TTC7B: variants seen among roughly 807,000 people sequenced by gnomAD.
The protein encoded by TTC7B is tetratricopeptide repeat protein 7B.
Under a neutral mutation model 106.8 loss-of-function variants are expected in TTC7B, and 28 were observed. The observed-to-expected ratio is 0.26, with a 90% CI of 0.19 to 0.36. The LOEUF (loss-of-function observed/expected upper bound fraction) is 0.36, where lower values mean the gene tolerates loss of function less well. Among genes scored for constraint, TTC7B ranks in the 10% least tolerant of loss-of-function variants. TTC7B has a pLI of 1.00. For synonymous variants in TTC7B, 405 were observed against 430.6 expected (o/e 0.94, Z 0.74); for missense variants, 862 against 1,076.4 (o/e 0.80, Z 2.79).
rs771560425 is a variant in TTC7B, at chr14:90,647,053, T to C, written c.1518-30A>G. ...AAAAGTATTTACGGCTATTAGTACA[T>C]GGGAGAGGAGGCCATTTTTACTTTC... On this transcript the variant is annotated intron_variant, in intron 13 of 19. Transcript: ENST00000328459. The C allele has an allele frequency of 4.4e-6, 7 of 1,608,408 alleles. No homozygotes were observed. In the South Asian group the frequency reaches 5.5e-5, roughly 13 times the overall value.
Position 90,578,048 on chromosome 14 carries a change from G to A in TTC7B, c.2310+58C>T, listed in dbSNP as rs1434984728. Reference sequence around the variant, plus strand: ...GTGTGAGGGTCATGTGCTACCTGCCGCTTCCAAGGGCTGTCCCCATGCCAG... The same window carrying A: ...GTGTGAGGGTCATGTGCTACCTGCCACTTCCAAGGGCTGTCCCCATGCCAG... On this transcript the variant is annotated intron_variant, in intron 19 of 19. Coordinates refer to ENST00000328459, the MANE Select transcript of TTC7B (RefSeq NM_001010854.2). The surrounding 1 kb of genome is among the most constrained non-coding windows in gnomAD (Gnocchi z 4.7). The A allele has an allele frequency of 8.4e-6, 13 of 1,547,304 alleles. No homozygotes were observed. In the East Asian group the frequency reaches 1.4e-4, roughly 17 times the overall value.
intron 2 of TTC7B, among the ~76,000 whole-genome samples, chr14:90,785,588 C>T (rs1021556616): frequency 6.6e-6 from 1 of 152,062 alleles, no homozygotes; most frequent in East Asian, 1.9e-4. Context: ...AGGAAAGCCA[C>T]GTGAGAGGGA....
chr14:90,547,784 TAAA>T (rs151125826), intron 19 of TTC7B, among the ~76,000 whole-genome samples: 5 of 144,986 alleles, frequency 3.4e-5, no homozygotes, highest in Admixed American at 3.4e-4. Flanking sequence ...GTGACAGAGA[TAAA>T]AAAAAAAAGC....
At chr14:90,587,877 G>A (rs1332622238) in intron 18 of TTC7B, among the ~76,000 whole-genome samples, 4 of 152,258 alleles carry the variant, frequency 2.6e-5, no homozygotes, top group East Asian at 1.9e-4. Flanking sequence ...CGTAACCTTC[G>A]GCAAGTGACC....
At chr14:90,617,059 G>T (rs1233893453) in intron 16 of TTC7B, among the ~76,000 whole-genome samples, 1 of 152,186 alleles carries the variant, frequency 6.6e-6, no homozygotes, top group African/African-American at 2.4e-5. Flanking sequence ...ATAGGTGGGT[G>T]TCTGTCCGTG....
chr14:90,608,462 G>A lies in TTC7B; in HGVS notation c.1966+2280C>T, dbSNP rs901832932. 2.0e-5 allele frequency among the ~76,000 whole-genome samples: 3 copies of A among 152,140 alleles called. No individual in the cohort carries two copies. Among genetic ancestry groups the A allele is most frequent in the African/African-American group, 4.8e-5 (2 of 41,424 alleles). ...TGACTCAACAATGAAACCGTCTGTG[G>A]CAGTGCCTGGGAGGCTGTGGCTTCC... On this transcript the variant is annotated intron_variant, in intron 17 of 19. Coordinates refer to ENST00000328459, the MANE Select transcript of TTC7B (RefSeq NM_001010854.2). This position sits in a 1 kb window ranked among gnomAD's most constrained non-coding sequence, Gnocchi z 5.1.
intron 5 of TTC7B, among the ~76,000 whole-genome samples, chr14:90,708,017 G>A (rs1240499481): frequency 3.3e-5 from 5 of 151,876 alleles, no homozygotes; most frequent in Non-Finnish European, 7.4e-5. Flanking sequence ...GTGGTGATGG[G>A]TGCCTGTAAT....
intron 6 of TTC7B, among the ~76,000 whole-genome samples, chr14:90,693,037 C>T (rs962415550): frequency 6.6e-6 from 1 of 151,986 alleles, no homozygotes; most frequent in Non-Finnish European, 1.5e-5. Context: ...TCTGCAGACA[C>T]CACAATGAAG....
intron 17 of TTC7B, 107 bp downstream of exon 17, chr14:90,610,635 G>A (rs1566797149): frequency 1.3e-6 from 1 of 789,224 alleles, no homozygotes; most frequent in African/African-American, 1.7e-5. Flanking sequence ...ATTTGTGCAA[G>A]AAATTTTTCC....
At chr14:90,736,583 G>T (rs549118742) in intron 4 of TTC7B, among the ~76,000 whole-genome samples, 4 of 151,460 alleles carry the variant, frequency 2.6e-5, no homozygotes, top group African/African-American at 7.3e-5. Context: ...GAAAAAAAAG[G>T]GGGGGTGGGT....
chr14:90,683,661 C>T (rs1887142536), intron 7 of TTC7B, among the ~76,000 whole-genome samples: 2 of 152,100 alleles, frequency 1.3e-5, no homozygotes, highest in South Asian at 2.1e-4. Context: ...GGGTCCCTCA[C>T]GCAGCCCAGT....
intron 4 of TTC7B, among the ~76,000 whole-genome samples, chr14:90,743,687 G>A (rs982984139): frequency 6.6e-6 from 1 of 152,198 alleles, no homozygotes; most frequent in Non-Finnish European, 1.5e-5. Context: ...ATATGTTCAC[G>A]AATCTGGGCT....
At position 90,759,470 on chromosome 14, in the gene TTC7B, A is replaced by G. The variant is rs1890427656; in HGVS notation, c.446-14548T>C. 6.6e-6 allele frequency among the ~76,000 whole-genome samples: 1 copy of G among 152,146 alleles called. No individual in the cohort carries two copies. The highest frequency in any genetic ancestry group is 1.5e-5 in the Non-Finnish European group (1 of 68,028). Reference sequence around the variant, plus strand: ...TAGGCCCCAAAGAGATCCTAGAAGTAAGCACCCAAACCCTAAGAATAAAAA... The same window carrying G: ...TAGGCCCCAAAGAGATCCTAGAAGTGAGCACCCAAACCCTAAGAATAAAAA... On this transcript the variant is annotated intron_variant, in intron 3 of 19. Transcript: ENST00000328459. This position sits in a 1 kb window ranked among gnomAD's most constrained non-coding sequence, Gnocchi z 4.1.
chr14:90,722,969 C>T (rs986463713), intron 5 of TTC7B, among the ~76,000 whole-genome samples: 2 of 152,230 alleles, frequency 1.3e-5, no homozygotes, highest in East Asian at 1.9e-4. Flanking sequence ...TCACTGATCT[C>T]ATTCAATCCT....
At chr14:90,719,635 C>T (rs1888808822) in intron 5 of TTC7B, among the ~76,000 whole-genome samples, 1 of 152,212 alleles carries the variant, frequency 6.6e-6, no homozygotes, top group South Asian at 2.1e-4. Context: ...AACAGAGCAG[C>T]TCCTGGGTGG....
chr14:90,553,882 G>A (rs1184379209), intron 19 of TTC7B, among the ~76,000 whole-genome samples: 3 of 152,236 alleles, frequency 2.0e-5, no homozygotes, highest in Non-Finnish European at 2.9e-5. Context: ...TTTTTAAAGC[G>A]TCTGACTGGC....
intron 1 of TTC7B, among the ~76,000 whole-genome samples, chr14:90,803,211 TCC>T (rs1277651408): frequency 1.9e-4 from 29 of 151,182 alleles, no homozygotes; most frequent in African/African-American, 7.1e-4. Flanking sequence ...CTCTAAACCC[TCC>T]AGTGGTTCCA....
intron 17 of TTC7B, chr14:90,603,318 T>A (rs919037752): frequency 7.8e-7 from 1 of 1,283,406 alleles, no homozygotes; most frequent in Non-Finnish European, 1.0e-6. Flanking sequence ...GAACAACAGA[T>A]CAAACCAAAA....
chr14:90,794,588 G>A lies in TTC7B; in HGVS notation c.122-8260C>T, dbSNP rs370618699. 9.2e-5 allele frequency among the ~76,000 whole-genome samples: 14 copies of A among 152,226 alleles called. No homozygotes were observed. In the South Asian group the frequency reaches 2.1e-3, roughly 23 times the overall value. Reference sequence around the variant, plus strand: ...CTAATACAGAGAGAAAGGGGGAACCGTCAGGGGAGTTTCCTGCTAGGCAGG... The same window carrying A: ...CTAATACAGAGAGAAAGGGGGAACCATCAGGGGAGTTTCCTGCTAGGCAGG... On this transcript the variant is annotated intron_variant, in intron 1 of 19. Coordinates refer to ENST00000328459, the MANE Select transcript of TTC7B (RefSeq NM_001010854.2).
Sources: gnomAD v4.1 joint callset for allele counts (sites outside exome capture counted in the v4.1 genomes callset) on GRCh38, gnomAD v4.1.1 for gene constraint, Gnocchi (gnomAD v3.1) non-coding constraint, MANE v1.5 for transcripts, NCBI Gene and HGNC (gene_info 2026-07-23, HGNC 2026-07-21) for gene names.